The following EEIG2 variants were observed in gnomAD, a reference collection of about 807,000 sequenced individuals.
EEIG2 encodes the protein EEIG family member 2.
chr1:108,585,302 G>A, the EEIG2 span, among the ~76,000 whole-genome samples: 6 of 152,102 alleles, frequency 3.9e-5, no homozygotes, highest in Admixed American at 3.9e-4. Context: ...ATGACTCTCT[G>A]CTGGTACTGT....
At chr1:108,632,039 A>C in the EEIG2 span, among the ~76,000 whole-genome samples, 1 of 144,600 alleles carries the variant, frequency 6.9e-6, no homozygotes, top group Non-Finnish European at 1.5e-5. Flanking sequence ...ACTTGAACCC[A>C]GGAGGTGGAG....
the EEIG2 span, among the ~76,000 whole-genome samples, chr1:108,632,613 A>T: frequency 2.6e-5 from 4 of 152,180 alleles, no homozygotes; most frequent in Non-Finnish European, 5.9e-5. Flanking sequence ...TTCACATCCT[A>T]GCCAGACCAC....
At chr1:108,575,841 A>G in the EEIG2 span, among the ~76,000 whole-genome samples, 2 of 152,202 alleles carry the variant, frequency 1.3e-5, no homozygotes, top group Non-Finnish European at 2.9e-5. Flanking sequence ...CTGCTAGTGG[A>G]TATGAGGTGT....
At chr1:108,636,234 A>G in the EEIG2 span, 1 of 152,342 alleles carries the variant, frequency 6.6e-6, no homozygotes, top group African/African-American at 2.4e-5. Flanking sequence ...AAATAAGAAT[A>G]CCTGGTCTGG....
At chr1:108,599,391 C>T in the EEIG2 span, among the ~76,000 whole-genome samples, 2 of 152,058 alleles carry the variant, frequency 1.3e-5, no homozygotes, top group South Asian at 2.1e-4. Context: ...GCTCTCTTGC[C>T]GTTCTCTTTT....
chr1:108,611,971 C>A, the EEIG2 span, among the ~76,000 whole-genome samples: 5 of 151,482 alleles, frequency 3.3e-5, no homozygotes, highest in African/African-American at 1.2e-4. Context: ...TTGCTGAACG[C>A]AAGAATAGAA....
chr1:108,617,966 C>T, the EEIG2 span, among the ~76,000 whole-genome samples: 2 of 151,976 alleles, frequency 1.3e-5, no homozygotes, highest in African/African-American at 4.8e-5. Flanking sequence ...GCCTTTTGAG[C>T]ATGGGTTAAA....
chr1:108,580,484 T>C, the EEIG2 span, among the ~76,000 whole-genome samples: 1 of 152,218 alleles, frequency 6.6e-6, no homozygotes, highest in Non-Finnish European at 1.5e-5. Context: ...AAAGCTGAGA[T>C]AGGCCAAAAG....
At chr1:108,628,745 A>T in the EEIG2 span, 6 of 1,613,492 alleles carry the variant, frequency 3.7e-6, no homozygotes, top group South Asian at 4.4e-5. Context: ...GTGGATGCAG[A>T]TGACATTGTA....
the EEIG2 span, chr1:108,625,859 G>A: frequency 1.3e-5 from 2 of 151,306 alleles, no homozygotes; most frequent in Non-Finnish European, 2.9e-5. Flanking sequence ...AGCAAGAGAT[G>A]ATATATGTAC....
the EEIG2 span, among the ~76,000 whole-genome samples, chr1:108,591,647 G>A: frequency 6.6e-6 from 1 of 152,194 alleles, no homozygotes; most frequent in Non-Finnish European, 1.5e-5. Context: ...AAGAAGTGGA[G>A]GCAGCCAGCT....
At chr1:108,603,059 C>T in the EEIG2 span, among the ~76,000 whole-genome samples, 2 of 152,166 alleles carry the variant, frequency 1.3e-5, no homozygotes, top group South Asian at 4.2e-4. Context: ...GACCACTGCT[C>T]CCTCTGAGAA....
At chr1:108,628,109 C>T in the EEIG2 span, 1 of 1,449,658 alleles carries the variant, frequency 6.9e-7, no homozygotes, top group East Asian at 2.3e-5. Flanking sequence ...GAGTAGAATA[C>T]AAATTGACCA....
the EEIG2 span, among the ~76,000 whole-genome samples, chr1:108,580,810 T>C: frequency 6.6e-6 from 1 of 152,124 alleles, no homozygotes; most frequent in African/African-American, 2.4e-5. Context: ...GCCATTTCCA[T>C]AACATAAAAG....
chr1:108,605,142 C>T, the EEIG2 span, among the ~76,000 whole-genome samples: 3 of 152,146 alleles, frequency 2.0e-5, no homozygotes, highest in African/African-American at 7.2e-5. Flanking sequence ...TAGGATATAG[C>T]AAATATAGAT....
At chr1:108,631,667 A>G in the EEIG2 span, among the ~76,000 whole-genome samples, 1 of 152,188 alleles carries the variant, frequency 6.6e-6, no homozygotes, top group Non-Finnish European at 1.5e-5. Context: ...ATAAACATAT[A>G]GCAATTATAG....
chr1:108,581,550 G>T, the EEIG2 span, among the ~76,000 whole-genome samples: 2 of 152,088 alleles, frequency 1.3e-5, no homozygotes, highest in Admixed American at 1.3e-4. Flanking sequence ...ATTAACAGGA[G>T]TTTGGAAGAA....
the EEIG2 span, among the ~76,000 whole-genome samples, chr1:108,616,114 C>T: frequency 7.4e-6 from 1 of 134,470 alleles, no homozygotes; most frequent in African/African-American, 2.7e-5. Flanking sequence ...TTGAATATAA[C>T]CCACTTCTTC....
chr1:108,599,514 C>G, the EEIG2 span, among the ~76,000 whole-genome samples: 11 of 152,086 alleles, frequency 7.2e-5, no homozygotes, highest in Non-Finnish European at 1.3e-4. Flanking sequence ...TACCTACATA[C>G]GACAGCAGAG....
Sources: allele counts gnomAD v4.1 joint callset (sites outside exome capture counted in the v4.1 genomes callset), GRCh38; gene constraint gnomAD v4.1.1; transcripts MANE v1.5; gene names NCBI Gene and HGNC (gene_info 2026-07-23, HGNC 2026-07-21).